HCN1: variants seen among roughly 807,000 people sequenced by gnomAD.
The protein encoded by HCN1 is potassium/sodium hyperpolarization-activated cyclic nucleotide-gated channel 1.
HCN1 carries 13 observed loss-of-function variants against 78.9 expected under a neutral mutation model. The observed-to-expected ratio is 0.16, with a 90% CI of 0.11 to 0.26. The LOEUF is 0.26. HCN1 is among the 10% of genes least tolerant of loss of function. The pLI is 1.00. For synonymous variants in HCN1, 552 were observed against 455.5 expected (o/e 1.21, Z -2.70); for missense variants, 810 against 1,154.3 (o/e 0.70, Z 4.32).
At chr5:45,408,033 A>G (rs1739958822) in intron 3 of HCN1, among the ~76,000 whole-genome samples, 1 of 152,208 alleles carries the variant, frequency 6.6e-6, no homozygotes, top group Admixed American at 6.5e-5. Context: ...ATATAAGTAC[A>G]GGGAAAGAAA....
chr5:45,614,508 G>A (rs1218424110), intron 2 of HCN1, among the ~76,000 whole-genome samples: 2 of 152,040 alleles, frequency 1.3e-5, no homozygotes, highest in Admixed American at 1.3e-4. Flanking sequence ...ACTTGAAATA[G>A]GTCACTTCTT....
chr5:45,317,839 G>T (rs929237532), intron 5 of HCN1, among the ~76,000 whole-genome samples: 1 of 152,152 alleles, frequency 6.6e-6, no homozygotes, highest in Non-Finnish European at 1.5e-5. Context: ...GGCCATCAGA[G>T]AAATGCAAAT....
At chr5:45,301,722 TAA>T (rs34604835) in intron 6 of HCN1, among the ~76,000 whole-genome samples, 40 of 130,184 alleles carry the variant, frequency 3.1e-4, no homozygotes, top group Non-Finnish European at 4.1e-4. Flanking sequence ...CCCTGTCATT[TAA>T]AAAAAAAAAA....
chr5:45,660,853 TG>T (rs1270175784), intron 1 of HCN1, among the ~76,000 whole-genome samples: 6 of 126,092 alleles, frequency 4.8e-5, no homozygotes, highest in Non-Finnish European at 6.6e-5. Flanking sequence ...ACATTAATAA[TG>T]GGAGACTTTA....
chr5:45,578,587 T>A (rs1174319681), intron 2 of HCN1, among the ~76,000 whole-genome samples: 1 of 152,034 alleles, frequency 6.6e-6, no homozygotes, highest in African/African-American at 2.4e-5. Flanking sequence ...GACTCCTGAA[T>A]CATCATAGCT....
At chr5:45,551,295 T>C (rs1743363539) in intron 2 of HCN1, among the ~76,000 whole-genome samples, 2 of 151,812 alleles carry the variant, frequency 1.3e-5, no homozygotes, top group African/African-American at 2.4e-5. Flanking sequence ...AAAAATATAT[T>C]ATGCTCTTAT....
intron 2 of HCN1, among the ~76,000 whole-genome samples, chr5:45,496,159 T>C (rs1444113366): frequency 2.0e-5 from 3 of 152,144 alleles, no homozygotes; most frequent in African/African-American, 7.2e-5. Context: ...TTGATTGGAA[T>C]AGTTTCAGAA....
At chr5:45,403,068 T>C (rs566663102) in intron 3 of HCN1, among the ~76,000 whole-genome samples, 43 of 152,226 alleles carry the variant, frequency 2.8e-4, no homozygotes, top group African/African-American at 1.0e-3. Context: ...CCTTAGGCTA[T>C]TCTTCATGAA....
chr5:45,455,284 C>T (rs998595566), intron 3 of HCN1, among the ~76,000 whole-genome samples: 2 of 152,038 alleles, frequency 1.3e-5, no homozygotes, highest in Non-Finnish European at 2.9e-5. Flanking sequence ...GCAAACATTT[C>T]AGAGCTCTCA....
chr5:45,560,628 C>T (rs1743578681), intron 2 of HCN1, among the ~76,000 whole-genome samples: 1 of 151,760 alleles, frequency 6.6e-6, no homozygotes, highest in Admixed American at 6.6e-5. Context: ...ATTATCCTGT[C>T]CACATTATTT....
At chr5:45,448,073 A>G (rs911046066) in intron 3 of HCN1, among the ~76,000 whole-genome samples, 9 of 151,906 alleles carry the variant, frequency 5.9e-5, no homozygotes, top group Non-Finnish European at 1.2e-4. Context: ...TAATTACCAA[A>G]TTATAATGAT....
intron 6 of HCN1, among the ~76,000 whole-genome samples, chr5:45,297,165 T>C (rs895872212): frequency 6.6e-6 from 1 of 152,084 alleles, no homozygotes; most frequent in Non-Finnish European, 1.5e-5. Flanking sequence ...AAGTATCTCT[T>C]ATGGGAAACG....
intron 2 of HCN1, among the ~76,000 whole-genome samples, chr5:45,499,749 T>A (rs969888412): frequency 5.9e-5 from 9 of 152,252 alleles, no homozygotes; most frequent in Admixed American, 5.9e-4. Context: ...TGTCTATGTA[T>A]ATCTCTATGT....
chr5:45,282,402 T>C (rs1745187355), intron 6 of HCN1, among the ~76,000 whole-genome samples: 1 of 152,132 alleles, frequency 6.6e-6, no homozygotes, highest in Non-Finnish European at 1.5e-5. Context: ...GTGTAGTGAG[T>C]GGATTTAGGG....
intron 7 of HCN1, among the ~76,000 whole-genome samples, chr5:45,264,520 A>T (rs1744814284): frequency 6.6e-6 from 1 of 152,230 alleles, no homozygotes; most frequent in South Asian, 2.1e-4. Flanking sequence ...AATTTCATTG[A>T]CTGCTAGGAA....
chr5:45,267,541 G>A (rs1479087390), intron 6 of HCN1, among the ~76,000 whole-genome samples: 2 of 151,616 alleles, frequency 1.3e-5, no homozygotes, highest in Non-Finnish European at 2.9e-5. Flanking sequence ...AGGCCGAGGT[G>A]GGTGAATCAC....
chr5:45,351,932 C>A (rs1746912592), intron 5 of HCN1, among the ~76,000 whole-genome samples: 1 of 152,156 alleles, frequency 6.6e-6, no homozygotes, highest in South Asian at 2.1e-4. Context: ...GTTGGCGGGA[C>A]TGTAAACTAG....
intron 3 of HCN1, among the ~76,000 whole-genome samples, chr5:45,460,840 G>GA (rs1579909552): frequency 6.6e-6 from 1 of 150,640 alleles, no homozygotes; most frequent in Non-Finnish European, 1.5e-5. Context: ...ATCATTAGGA[G>GA]AAAAAATCAT....
intron 5 of HCN1, among the ~76,000 whole-genome samples, chr5:45,345,913 TAATA>T (rs1305244346): frequency 2.6e-5 from 4 of 152,322 alleles, no homozygotes; most frequent in Admixed American, 1.3e-4. Context: ...CTCATGCTGC[TAATA>T]AAGACATACT....
Sources: allele counts gnomAD v4.1 joint callset (sites outside exome capture counted in the v4.1 genomes callset), GRCh38; gene constraint gnomAD v4.1.1; transcripts MANE v1.5; gene names NCBI Gene and HGNC (gene_info 2026-07-23, HGNC 2026-07-21).